The following MXRA7 variants were observed in gnomAD, a reference collection of about 807,000 sequenced individuals.
The protein encoded by MXRA7 is matrix-remodeling-associated protein 7.
In MXRA7, 18 loss-of-function variants were observed where a neutral mutation model predicts 17.4. The observed-to-expected ratio is 1.03, with a 90% CI of 0.71 to 1.53. The LOEUF (loss-of-function observed/expected upper bound fraction) is 1.53. Among genes scored for constraint, MXRA7 ranks in the 40% most tolerant of loss-of-function variants. MXRA7 has a pLI of 0.00. For missense variants in MXRA7, 141 were observed against 209.3 expected, an observed-to-expected ratio of 0.67 and a Z score of 2.01; for synonymous variants, 70 against 101.7, an observed-to-expected ratio of 0.69 and a Z score of 1.87.
At chr17:76,677,538 A>G (rs2076250061), downstream of MXRA7, 1 of 1,298,550 alleles carries the variant, frequency 7.7e-7, no homozygotes, top group Non-Finnish European at 1.1e-6. Context: ...GCATGGGGCA[A>G]GGGTGGGGAC....
chr17:76,689,601 A>C (rs1419827339), intron 1 of MXRA7: 5 of 152,316 alleles, frequency 3.3e-5, no homozygotes, highest in African/African-American at 1.2e-4. Context: ...GGGGGCAGGA[A>C]GAGGAGCCGC....
chr17:76,679,558 A>G, downstream of MXRA7: 1 of 973,618 alleles, frequency 1.0e-6, no homozygotes, highest in Non-Finnish European at 1.2e-6. Flanking sequence ...AACTGAAAAA[A>G]CACACAGTAA....
rs1376371031 is a variant in MXRA7, at chr17:76,710,783, G to A, written c.164C>T (p.Ala55Val). ...APPAEATGAP[A>V]PSRPCAPEPA... ...CTCGGGGGCGCAGGGGCGGGACGGCGCCGGGGCCCCGGTGGCCTCGGCCGG... is the reference window on the plus strand; with the variant it reads ...CTCGGGGGCGCAGGGGCGGGACGGCACCGGGGCCCCGGTGGCCTCGGCCGG... Residue 55 changes from alanine (A) to valine (V), a missense_variant, in exon 1 of 4, where the codon GCG becomes GTG. Coordinates refer to ENST00000449428, the MANE Select transcript of MXRA7 (RefSeq NM_198530.4). 11 of 990,990 alleles carry A rather than the reference G, an allele frequency of 1.1e-5. No individual in the cohort carries two copies. The highest frequency in any genetic ancestry group is 1.8e-5 in the African/African-American group (1 of 56,654). The allele number at this position is 990,990 out of a possible 1,614,324, so 61.4% of individuals were successfully genotyped here.
At chr17:76,684,676 A>C (rs1301433309) in intron 3 of MXRA7, 1 of 445,914 alleles carries the variant, frequency 2.2e-6, no homozygotes, top group Non-Finnish European at 4.4e-6. Flanking sequence ...CTGTGTCCCG[A>C]AGGAGAAATG....
Position 76,696,854 on chromosome 17 carries a change from G to A in MXRA7, c.343-8678C>T, listed in dbSNP as rs556561503. Among the ~76,000 whole-genome samples the A allele has an allele frequency of 3.5e-4, 53 of 152,288 alleles. No homozygotes were observed. The South Asian group carries it at 8.5e-3, about 24-fold the overall frequency. On this transcript the variant is annotated intron_variant, in intron 1 of 3. Transcript: ENST00000449428. ...CAGGCAGCTGTGCCATGGTGGGTGCGACCAGGATCATTTCCTGGAGGCGGC... is the reference window on the plus strand; with the variant it reads ...CAGGCAGCTGTGCCATGGTGGGTGCAACCAGGATCATTTCCTGGAGGCGGC...
exon 4 of MXRA7, chr17:76,673,166 G>A (rs975254689): frequency 1.3e-5 from 2 of 152,222 alleles, no homozygotes; most frequent in African/African-American, 4.8e-5. Context: ...ACTTGGTTTG[G>A]AGGTGGGCTG....
At chr17:76,678,745 C>T (rs73996654), downstream of MXRA7, among the ~76,000 whole-genome samples, 2 of 152,210 alleles carry the variant, frequency 1.3e-5, no homozygotes, top group Non-Finnish European at 2.9e-5. Context: ...TGGCATCCCC[C>T]ACACTGCCTG....
chr17:76,687,154 G>A (rs2076408329), intron 2 of MXRA7, among the ~76,000 whole-genome samples: 1 of 152,200 alleles, frequency 6.6e-6, no homozygotes, highest in South Asian at 2.1e-4. Context: ...CCAAAAGCAG[G>A]GAGCAAGGGT....
chr17:76,675,866 C>T (rs1313705228), downstream of MXRA7: 4 of 152,040 alleles, frequency 2.6e-5, no homozygotes, highest in East Asian at 1.9e-4. Flanking sequence ...GGGAAGTTAA[C>T]CTCATGATGG....
intron 1 of MXRA7, among the ~76,000 whole-genome samples, chr17:76,706,827 C>A (rs1486475138): frequency 2.0e-5 from 3 of 152,188 alleles, no homozygotes; most frequent in Non-Finnish European, 4.4e-5. Flanking sequence ...AAATTCCAAA[C>A]CTACAGAAAA....
intron 1 of MXRA7, among the ~76,000 whole-genome samples, chr17:76,709,303 G>T (rs929902260): frequency 2.0e-5 from 3 of 152,150 alleles, no homozygotes; most frequent in African/African-American, 7.2e-5. Flanking sequence ...AAACACAACA[G>T]ATCAGCACAT....
At chr17:76,694,686 G>A (rs148495422) in intron 1 of MXRA7, among the ~76,000 whole-genome samples, 88 of 152,172 alleles carry the variant, frequency 5.8e-4, no homozygotes, top group African/African-American at 1.8e-3. Flanking sequence ...TCCAGGCTCC[G>A]TCAATCCTCC....
intron 1 of MXRA7, among the ~76,000 whole-genome samples, chr17:76,695,516 G>A (rs540857342): frequency 1.3e-5 from 2 of 152,246 alleles, no homozygotes; most frequent in South Asian, 2.1e-4. Flanking sequence ...CTTTCCTTCC[G>A]CTTTGGCACA....
chr17:76,694,811 C>T (rs1363272147), intron 1 of MXRA7, among the ~76,000 whole-genome samples: 1 of 152,098 alleles, frequency 6.6e-6, no homozygotes, highest in African/African-American at 2.4e-5. Flanking sequence ...GGCTTGAACT[C>T]CTGGGCCCAA....
chr17:76,684,150 G>A (rs759610519), intron 3 of MXRA7, among the ~76,000 whole-genome samples: 1 of 152,162 alleles, frequency 6.6e-6, no homozygotes, highest in Non-Finnish European at 1.5e-5. Context: ...TGAGGTTAGA[G>A]GGCTGCCCGG....
intron 1 of MXRA7, chr17:76,709,527 C>CCTGG (rs1185835838): frequency 6.5e-6 from 1 of 152,774 alleles, no homozygotes; most frequent in Admixed American, 6.5e-5. Context: ...CTGAGCACAG[C>CCTGG]CTGGCTGCCT....
chr17:76,681,601 G>A lies in MXRA7; in HGVS notation c.501-722C>T, dbSNP rs190546530. Among the ~76,000 whole-genome samples the A allele has an allele frequency of 2.4e-4, 37 of 152,280 alleles. No homozygotes were observed. Among genetic ancestry groups the A allele is most frequent in the Admixed American group, 1.3e-3 (20 of 15,294 alleles). The stretch of plus-strand genomic sequence containing the variant: ...CACTAGCACCTTCCTCTAGAGTCAT[G>A]TCCATTTCCAGAGGAGTCAAGACAG... On this transcript the variant is annotated intron_variant, in intron 3 of 3. Coordinates refer to ENST00000449428, the MANE Select transcript of MXRA7 (RefSeq NM_198530.4). This position sits in a 1 kb window ranked among gnomAD's most constrained non-coding sequence, Gnocchi z 4.7.
intron 1 of MXRA7, among the ~76,000 whole-genome samples, chr17:76,695,353 G>GGTGTAGGTGTGT (rs1555643784): frequency 6.8e-6 from 1 of 147,998 alleles, no homozygotes. Flanking sequence ...TTTAGCTTCA[G>GGTGTAGGTGTGT]GTGTGTGTGT....
rs1262635912 is a variant in MXRA7, at chr17:76,680,655, C to A, written c.*212G>T. 1.8e-5 allele frequency: 24 copies of A among 1,362,162 alleles called. No individual in the cohort carries two copies. Among genetic ancestry groups the A allele is most frequent in the Admixed American group, 3.4e-5 (1 of 29,440 alleles). The allele number at this position is 1,362,162 out of a possible 1,614,324, so 84.4% of individuals were successfully genotyped here. A position where few individuals can be genotyped will look rare whatever the true frequency, so the allele number is the denominator to read the frequency against. ...AGTGACCCACAGGAACAGACATGAA[C>A]ATCTCTACACAGGGCAGGGCCAAAG... On this transcript the variant is annotated 3_prime_UTR_variant, in exon 4 of 4. Coordinates refer to ENST00000449428, the MANE Select transcript of MXRA7 (RefSeq NM_198530.4).
Sources: gnomAD v4.1 joint callset for allele counts (sites outside exome capture counted in the v4.1 genomes callset) on GRCh38, gnomAD v4.1.1 for gene constraint, Gnocchi (gnomAD v3.1) non-coding constraint, MANE v1.5 for transcripts, NCBI Gene and HGNC (gene_info 2026-07-23, HGNC 2026-07-21) for gene names.